Variants in TBC1D12 observed in about 807,000 individuals in gnomAD.
TBC1D12 encodes TBC1 domain family member 12.
In TBC1D12, 56 loss-of-function variants were observed where a neutral mutation model predicts 86.7. The ratio of observed to expected loss-of-function variants is 0.65; its 90% confidence interval spans 0.52 to 0.81. The LOEUF (loss-of-function observed/expected upper bound fraction) is 0.81, where lower values mean the gene tolerates loss of function less well. Among genes scored for constraint, TBC1D12 ranks in the 30% least tolerant of loss-of-function variants. TBC1D12 has a pLI of 0.00. For synonymous variants in TBC1D12, 421 were observed against 411.7 expected (o/e 1.02, Z -0.27); for missense variants, 1,023 against 1,038.8 (o/e 0.98, Z 0.21).
intron 2 of TBC1D12, among the ~76,000 whole-genome samples, chr10:94,457,765 C>T (rs1379736457): frequency 6.6e-6 from 1 of 152,036 alleles, no homozygotes; most frequent in Admixed American, 6.6e-5. Flanking sequence ...ATTCCATTTT[C>T]TCCCATTTCT....
At position 94,522,000 on chromosome 10, in the gene TBC1D12, G is replaced by C. The variant is rs755399399; in HGVS notation, c.1807G>C (p.Glu603Gln). Residue 603 changes from glutamate to glutamine, a missense_variant, in exon 10 of 13, where the codon GAA becomes CAA. Glu to Gln is a conservative substitution (Grantham distance 29, BLOSUM62 2). This residue lies in a region of TBC1D12 where 395 missense variants were observed against 507.7 expected (regional missense o/e 0.78). Coordinates refer to ENST00000225235, the MANE Select transcript of TBC1D12 (RefSeq NM_015188.2). Reference sequence around the variant, plus strand: ...TGCAGCAGTACTCATTCTCAATTTGGAAGAGGCAGATGCCTTTATCGCATT... The same window carrying C: ...TGCAGCAGTACTCATTCTCAATTTGCAAGAGGCAGATGCCTTTATCGCATT... ...FIAAVLILNL[E>Q]EADAFIAFAN... The C allele has an allele frequency of 3.5e-5, 56 of 1,612,118 alleles. No homozygotes were observed. The highest frequency in any genetic ancestry group is 4.6e-5 in the Non-Finnish European group (54 of 1,178,786).
chr10:94,404,695 C>G (rs2054827331), intron 1 of TBC1D12, among the ~76,000 whole-genome samples: 1 of 151,154 alleles, frequency 6.6e-6, no homozygotes, highest in Non-Finnish European at 1.5e-5. Flanking sequence ...TGGTGCTGGA[C>G]TTCGCAGATT....
At chr10:94,430,664 G>A (rs758601416) in intron 1 of TBC1D12, among the ~76,000 whole-genome samples, 1 of 152,132 alleles carries the variant, frequency 6.6e-6, no homozygotes, top group Non-Finnish European at 1.5e-5. Context: ...TGAAGCAAAT[G>A]TTAACATGTA....
chr10:94,496,415 G>A lies in TBC1D12; in HGVS notation c.1295-640G>A, dbSNP rs184880453. 5.0e-3 allele frequency among the ~76,000 whole-genome samples: 758 copies of A among 152,016 alleles called. 22 individuals are homozygous for A. The highest frequency in any genetic ancestry group is 3.9e-3 in the East Asian group (20 of 5,158). ...GGGGACATTTTAAAATTTCAAACTA[G>A]TAAAGTGAAACACCATATTAAAAAG... On this transcript the variant is annotated intron_variant, in intron 4 of 12. Transcript: ENST00000225235.
chr10:94,419,983 A>G (rs1192611297), intron 1 of TBC1D12, among the ~76,000 whole-genome samples: 7 of 152,212 alleles, frequency 4.6e-5, no homozygotes, highest in Admixed American at 2.6e-4. Flanking sequence ...GTTCAGTTTT[A>G]TAAATCTGTT....
At chr10:94,469,518 G>A (rs1485630206) in intron 2 of TBC1D12, among the ~76,000 whole-genome samples, 3 of 141,212 alleles carry the variant, frequency 2.1e-5, no homozygotes, top group Non-Finnish European at 3.0e-5. Context: ...GGGTGATCTC[G>A]GCTCACTGCA....
intron 10 of TBC1D12, 53 bp from the exon 11 acceptor site, chr10:94,522,288 TTTC>T (rs1195089255): frequency 1.8e-6 from 2 of 1,124,090 alleles, no homozygotes; most frequent in Non-Finnish European, 2.5e-6. Context: ...AAGCGTTTAA[TTTC>T]TTTATTTCTA....
intron 1 of TBC1D12, among the ~76,000 whole-genome samples, chr10:94,416,240 C>A (rs1192732951): frequency 6.6e-6 from 1 of 152,218 alleles, no homozygotes; most frequent in African/African-American, 2.4e-5. Flanking sequence ...GTCAACAAAG[C>A]AAAGCACCAG....
chr10:94,527,391 T>C (rs544246946), intron 11 of TBC1D12, among the ~76,000 whole-genome samples: 4 of 151,466 alleles, frequency 2.6e-5, no homozygotes, highest in African/African-American at 7.3e-5. Flanking sequence ...GCCTGGCGTT[T>C]GTTTTTTTTT....
At chr10:94,430,178 T>C (rs2055196671) in intron 1 of TBC1D12, among the ~76,000 whole-genome samples, 1 of 152,194 alleles carries the variant, frequency 6.6e-6, no homozygotes, top group Non-Finnish European at 1.5e-5. Flanking sequence ...GTGTGCCCAG[T>C]GTTGAATCCC....
At chr10:94,484,015 AG>A (rs2056121820) in intron 3 of TBC1D12, among the ~76,000 whole-genome samples, 1 of 152,128 alleles carries the variant, frequency 6.6e-6, no homozygotes, top group African/African-American at 2.4e-5. Flanking sequence ...CAAATTTCCC[AG>A]TATCATTTAT....
chr10:94,485,020 A>G (rs1306633536), intron 3 of TBC1D12, among the ~76,000 whole-genome samples: 1 of 152,164 alleles, frequency 6.6e-6, no homozygotes, highest in Non-Finnish European at 1.5e-5. Flanking sequence ...GGACTTTTGC[A>G]AATATAAGAT....
chr10:94,445,654 A>T (rs548209804), intron 2 of TBC1D12, among the ~76,000 whole-genome samples: 2 of 152,054 alleles, frequency 1.3e-5, no homozygotes, highest in East Asian at 3.9e-4. Context: ...TTCCATCTTC[A>T]AAATATGTAT....
intron 7 of TBC1D12, chr10:94,508,744 T>C (rs2056490934): frequency 6.6e-6 from 1 of 152,178 alleles, no homozygotes; most frequent in Non-Finnish European, 1.5e-5. Context: ...CCAGATATTT[T>C]CTTTAACATA....
chr10:94,529,008 G>GC (rs748092530), intron 11 of TBC1D12, among the ~76,000 whole-genome samples: 2 of 148,196 alleles, frequency 1.3e-5, no homozygotes, highest in Non-Finnish European at 1.5e-5. Context: ...TTTGGTTCAG[G>GC]ATTTTTTTTT....
At chr10:94,453,506 T>A (rs1032153252) in intron 2 of TBC1D12, among the ~76,000 whole-genome samples, 1 of 152,144 alleles carries the variant, frequency 6.6e-6, no homozygotes, top group South Asian at 2.1e-4. Context: ...GTGTCTAATT[T>A]ATAAATTTAT....
chr10:94,468,822 C>T (rs1369698663), intron 2 of TBC1D12, among the ~76,000 whole-genome samples: 3 of 152,282 alleles, frequency 2.0e-5, no homozygotes, highest in Non-Finnish European at 4.4e-5. Context: ...TTCCCTAAAG[C>T]TCTGCTTATA....
At chr10:94,405,896 G>GC (rs2054847806) in intron 1 of TBC1D12, among the ~76,000 whole-genome samples, 1 of 150,290 alleles carries the variant, frequency 6.7e-6, no homozygotes, top group Non-Finnish European at 1.5e-5. Context: ...TGCAACCTCT[G>GC]CCCCCCTGGG....
At chr10:94,470,120 C>A (rs550698761) in intron 2 of TBC1D12, among the ~76,000 whole-genome samples, 1 of 152,058 alleles carries the variant, frequency 6.6e-6, no homozygotes, top group East Asian at 1.9e-4. Flanking sequence ...CTTCAAATCA[C>A]GTGGAGGAGG....
Sources: allele counts gnomAD v4.1 joint callset (sites outside exome capture counted in the v4.1 genomes callset), GRCh38; gene constraint gnomAD v4.1.1; regional missense constraint gnomAD v4.1.1; transcripts MANE v1.5; gene names NCBI Gene and HGNC (gene_info 2026-07-23, HGNC 2026-07-21).